Variants in TMTC3 observed in about 807,000 individuals in gnomAD.
TMTC3 encodes the protein protein O-mannosyl-transferase TMTC3.
A neutral mutation model predicts 92.2 loss-of-function variants in TMTC3; 52 were observed. The observed-to-expected ratio is 0.56, with a 90% CI of 0.45 to 0.71. TMTC3 has a LOEUF of 0.71. TMTC3 is among the 30% of genes least tolerant of loss of function. The pLI is 0.00. For missense variants in TMTC3, 896 were observed against 1,057.1 expected, an observed-to-expected ratio of 0.85 and a Z score of 2.11; for synonymous variants, 339 against 363.3, an observed-to-expected ratio of 0.93 and a Z score of 0.76.
In TMTC3 at chr12:88,197,923, C is replaced by G. The variant is rs1262992593; in HGVS notation, c.*2274C>G. 1.3e-5 allele frequency: 2 copies of G among 156,208 alleles called. No individual in the cohort carries two copies. Among genetic ancestry groups the G allele is most frequent in the Non-Finnish European group, 2.8e-5 (2 of 70,908 alleles). 9.7% of individuals were successfully genotyped at this position (156,208 alleles called of 1,614,324 possible). On this transcript the variant is annotated 3_prime_UTR_variant, in exon 14 of 14. Transcript: ENST00000266712. ...TTTTCCAAAAGCTCTTTGAGTGATT[C>G]TAATTTGTAGTCAGAGTTGAAGACC... is the stretch of plus-strand genomic sequence containing the variant.
chr12:88,178,587 A>C (rs1004610916), intron 10 of TMTC3, among the ~76,000 whole-genome samples: 1 of 152,014 alleles, frequency 6.6e-6, no homozygotes, highest in Non-Finnish European at 1.5e-5. Context: ...TAAACTGTGG[A>C]GCTTCCTTGG....
At chr12:88,174,465 G>T in intron 8 of TMTC3, 142 bp from the exon 9 acceptor site, 2 of 937,620 alleles carry the variant, frequency 2.1e-6, no homozygotes, top group Non-Finnish European at 1.5e-6. Context: ...CTAAAGTTGG[G>T]TGTTCATTAG....
intron 7 of TMTC3, among the ~76,000 whole-genome samples, chr12:88,172,253 T>C (rs1336768815): frequency 2.6e-5 from 4 of 152,068 alleles, no homozygotes; most frequent in Admixed American, 2.6e-4. Context: ...TTTAAAATGC[T>C]GTAATGGTTT....
At chr12:88,151,294 C>T (rs1179497985) in intron 2 of TMTC3, among the ~76,000 whole-genome samples, 3 of 152,140 alleles carry the variant, frequency 2.0e-5, no homozygotes, top group Non-Finnish European at 4.4e-5. Flanking sequence ...GCTAAGGTAA[C>T]TTCTGCAAAT....
intron 6 of TMTC3, among the ~76,000 whole-genome samples, chr12:88,161,959 T>C (rs1565947374): frequency 6.6e-6 from 1 of 152,052 alleles, no homozygotes; most frequent in Non-Finnish European, 1.5e-5. Context: ...TAAAAAAGTA[T>C]TTTACATTAA....
At chr12:88,172,785 A>G in intron 8 of TMTC3, 40 bp downstream of exon 8, 1 of 1,567,894 alleles carries the variant, frequency 6.4e-7, no homozygotes, top group Non-Finnish European at 8.6e-7. Context: ...TTACTATGGA[A>G]TTAAGTGTGA....
chr12:88,166,570 G>A lies in TMTC3; in HGVS notation c.1038G>A (p.Lys346=). 6.2e-7 allele frequency: 1 copy of A among 1,612,964 alleles called. No homozygotes were observed. Among genetic ancestry groups the A allele is most frequent in the Non-Finnish European group, 8.5e-7 (1 of 1,179,616 alleles). The change falls in exon 7 of 14, where the codon AAG becomes AAA. Residue 346 remains lysine, a synonymous_variant. Coordinates refer to ENST00000266712, the MANE Select transcript of TMTC3 (RefSeq NM_181783.4). ...TCAGATACTCTGGTGATTCCTCCAAGACTGTTTTAATGGTAAGAAACTTTT... is the reference window on the plus strand; with the variant it reads ...TCAGATACTCTGGTGATTCCTCCAAAACTGTTTTAATGGTAAGAAACTTTT... ...FSIRYSGDSS[K]TVLMALCLMA...
chr12:88,172,780 A>G (rs765503121), intron 8 of TMTC3, 35 bp downstream of exon 8: 6 of 1,575,690 alleles, frequency 3.8e-6, no homozygotes, highest in Admixed American at 3.9e-5. Context: ...AATGCTTACT[A>G]TGGAATTAAG....
chr12:88,192,888 C>A, intron 13 of TMTC3, 58 bp downstream of exon 13: 8 of 1,408,878 alleles, frequency 5.7e-6, no homozygotes, highest in Non-Finnish European at 7.6e-6. Context: ...TATAATAAGA[C>A]CTTAATTTAA....
chr12:88,187,238 A>G (rs1308365522), intron 10 of TMTC3, among the ~76,000 whole-genome samples: 2 of 152,010 alleles, frequency 1.3e-5, no homozygotes, highest in South Asian at 2.1e-4. Context: ...GTACATATTC[A>G]TGGGATATAT....
intron 11 of TMTC3, among the ~76,000 whole-genome samples, chr12:88,189,694 T>C (rs1030835550): frequency 6.6e-6 from 1 of 152,138 alleles, no homozygotes. Flanking sequence ...TTTCATGTTA[T>C]CAGCAAAATA....
At chr12:88,159,079 AAAG>A (rs1456517770) in intron 4 of TMTC3, among the ~76,000 whole-genome samples, 1 of 151,786 alleles carries the variant, frequency 6.6e-6, no homozygotes, top group Non-Finnish European at 1.5e-5. Context: ...AAAAAAAAAA[AAAG>A]AAAACCAAAC....
chr12:88,165,058 C>A (rs763249331), intron 6 of TMTC3, among the ~76,000 whole-genome samples: 7 of 152,006 alleles, frequency 4.6e-5, no homozygotes, highest in African/African-American at 7.2e-5. Context: ...CAACTATTTT[C>A]TATTTCCCTA....
chr12:88,171,862 G>A (rs1191112893), intron 7 of TMTC3, among the ~76,000 whole-genome samples: 1 of 152,028 alleles, frequency 6.6e-6, no homozygotes, highest in Non-Finnish European at 1.5e-5. Context: ...GCCAACATTT[G>A]TTATCTTTTG....
chr12:88,156,495 A>G (rs2041011047), intron 4 of TMTC3, among the ~76,000 whole-genome samples: 3 of 152,190 alleles, frequency 2.0e-5, no homozygotes, highest in Admixed American at 2.0e-4. Flanking sequence ...TTTAAATGGT[A>G]GCTCTGTAGA....
At chr12:88,158,454 A>G (rs1293732424) in intron 4 of TMTC3, among the ~76,000 whole-genome samples, 7 of 152,022 alleles carry the variant, frequency 4.6e-5, no homozygotes. Context: ...AATCTATTAT[A>G]TTAGTATTGA....
At chr12:88,148,090 C>T (rs748535700) in intron 1 of TMTC3, among the ~76,000 whole-genome samples, 198 bp from the exon 2 acceptor site, 22 of 152,116 alleles carry the variant, frequency 1.4e-4, no homozygotes, top group South Asian at 1.2e-3. Flanking sequence ...ATAATGTCCC[C>T]GTTATCAGGG....
chr12:88,152,542 T>C lies in TMTC3; in HGVS notation c.190-749T>C, dbSNP rs1375232369. ...ACAAAAAATAACTTTATTAATATTT[T>C]ATATATATTCGAACTGTGTGTTTTA... is the stretch of plus-strand genomic sequence containing the variant. On this transcript the variant is annotated intron_variant, in intron 2 of 13. Coordinates refer to ENST00000266712, the MANE Select transcript of TMTC3 (RefSeq NM_181783.4). Among the ~76,000 whole-genome samples, 3 of 152,324 alleles carry C rather than the reference T, an allele frequency of 2.0e-5. No individual in the cohort carries two copies. The East Asian group carries it at 5.8e-4, about 29-fold the overall frequency.
At chr12:88,151,200 G>C (rs1219405310) in intron 2 of TMTC3, among the ~76,000 whole-genome samples, 1 of 152,092 alleles carries the variant, frequency 6.6e-6, no homozygotes, top group Non-Finnish European at 1.5e-5. Flanking sequence ...TCATCCAGGT[G>C]ATTCTTTGGT....
Sources: allele counts gnomAD v4.1 joint callset (sites outside exome capture counted in the v4.1 genomes callset), GRCh38; gene constraint gnomAD v4.1.1; transcripts MANE v1.5; gene names NCBI Gene and HGNC (gene_info 2026-07-23, HGNC 2026-07-21).